Variants in RAD51B observed in about 807,000 individuals in gnomAD.
RAD51B encodes the protein DNA repair protein RAD51 homolog 2.
A neutral mutation model predicts 42.2 loss-of-function variants in RAD51B; 38 were observed. That is an observed-to-expected ratio of 0.90 (90% CI 0.70 to 1.18). The LOEUF is 1.18. Ranked by LOEUF, RAD51B falls within the 50% of genes most tolerant of loss-of-function variation. The pLI, the probability that RAD51B is intolerant of heterozygous loss-of-function variation, is 0.00. For missense variants in RAD51B, 373 were observed against 400.7 expected, an observed-to-expected ratio of 0.93 and a Z score of 0.59; for synonymous variants, 154 against 145.2, an observed-to-expected ratio of 1.06 and a Z score of -0.43.
rs1275700543 is a variant in RAD51B at position 68,534,386 on chromosome 14, C to T, written c.1037-60099C>T. The stretch of plus-strand genomic sequence containing the variant: ...TAATAGGTTATTGATGACAGCAATT[C>T]AGTGGGAGAAGGGTTATATAATGTG... On this transcript the variant is annotated intron_variant, in intron 10 of 10. Transcript: ENST00000487270. Among the ~76,000 whole-genome samples, 7 of 152,052 alleles carry T rather than the reference C, an allele frequency of 4.6e-5. No individual in the cohort carries two copies. In the East Asian group the frequency reaches 1.3e-3, roughly 29 times the overall value.
chr14:68,603,773 C>T (rs1891319730), intron 10 of RAD51B, among the ~76,000 whole-genome samples: 1 of 152,244 alleles, frequency 6.6e-6, no homozygotes. Flanking sequence ...GGAGCCTGCA[C>T]ACGCCGCGTC....
intron 7 of RAD51B, among the ~76,000 whole-genome samples, chr14:68,258,864 C>T (rs1203059378): frequency 6.6e-6 from 1 of 152,172 alleles, no homozygotes; most frequent in Non-Finnish European, 1.5e-5. Context: ...AAGAAAGTTA[C>T]TGCAAAGAAA....
In RAD51B at chr14:67,960,850, G is replaced by A. The variant is rs575537018; in HGVS notation, c.756+73646G>A. On this transcript the variant is annotated intron_variant, in intron 7 of 10. Coordinates refer to ENST00000471583, the MANE Select transcript of RAD51B (RefSeq NM_133510.4). ...TGCCTGGCTAATTTTTTAATTTTTT[G>A]TAGAGACAGGGTCTGACTTTGTGGC... 8.9e-4 allele frequency among the ~76,000 whole-genome samples: 136 copies of A among 151,980 alleles called. 1 individual carries two copies. The highest frequency in any genetic ancestry group is 3.2e-3 in the African/African-American group (134 of 41,432).
intron 4 of RAD51B, among the ~76,000 whole-genome samples, chr14:67,842,256 C>T (rs551774136): frequency 6.6e-6 from 1 of 152,180 alleles, no homozygotes; most frequent in Admixed American, 6.5e-5. Flanking sequence ...TTCAACTTTA[C>T]TAAAGTCATT....
chr14:67,911,316 G>A (rs2043972131), intron 7 of RAD51B, among the ~76,000 whole-genome samples: 1 of 152,172 alleles, frequency 6.6e-6, no homozygotes, highest in Non-Finnish European at 1.5e-5. Context: ...AGGAATTTTA[G>A]ACTGTACCCT....
At chr14:67,981,558 A>G (rs758296166) in intron 7 of RAD51B, among the ~76,000 whole-genome samples, 3 of 152,374 alleles carry the variant, frequency 2.0e-5, no homozygotes, top group South Asian at 2.1e-4. Flanking sequence ...AGTCACCCGC[A>G]TGTCCATCAA....
At chr14:68,503,215 A>T (rs1885043166) in intron 10 of RAD51B, among the ~76,000 whole-genome samples, 1 of 152,206 alleles carries the variant, frequency 6.6e-6, no homozygotes, top group Non-Finnish European at 1.5e-5. Context: ...GGAGGGCGTA[A>T]TGATGGGGAG....
intron 10 of RAD51B, chr14:68,562,059 G>C (rs1889179999): frequency 3.0e-6 from 3 of 985,392 alleles, no homozygotes; most frequent in Non-Finnish European, 3.6e-6. Flanking sequence ...TAGACCACAT[G>C]AATAATTTGG....
intron 8 of RAD51B, among the ~76,000 whole-genome samples, chr14:68,388,913 C>T (rs1034460327): frequency 3.9e-5 from 6 of 152,106 alleles, no homozygotes; most frequent in Non-Finnish European, 7.4e-5. Context: ...AGATGGCAAA[C>T]GATGTTGTTA....
At chr14:68,247,904 T>C (rs2080533651) in intron 7 of RAD51B, among the ~76,000 whole-genome samples, 1 of 152,236 alleles carries the variant, frequency 6.6e-6, no homozygotes, top group Non-Finnish European at 1.5e-5. Flanking sequence ...GTCTTCAGGG[T>C]GCTGCAAAGC....
chr14:68,559,857 G>A (rs1246742892), intron 10 of RAD51B, among the ~76,000 whole-genome samples: 3 of 152,224 alleles, frequency 2.0e-5, no homozygotes, highest in South Asian at 4.1e-4. Flanking sequence ...TGTGGAATGG[G>A]CAGAAGGCAG....
chr14:68,362,330 T>A (rs899565424), intron 8 of RAD51B, among the ~76,000 whole-genome samples: 4 of 152,348 alleles, frequency 2.6e-5, no homozygotes, highest in Middle Eastern at 3.4e-3. Flanking sequence ...CTAATATTTA[T>A]TACTATGCAT....
chr14:68,540,869 T>C, intron 10 of RAD51B: 1 of 985,392 alleles, frequency 1.0e-6, no homozygotes, highest in South Asian at 4.7e-5. Flanking sequence ...AAAGATTCCA[T>C]GTAGGGAAGA....
intron 7 of RAD51B, among the ~76,000 whole-genome samples, chr14:68,064,024 A>G (rs2076610615): frequency 6.7e-6 from 1 of 150,158 alleles, no homozygotes; most frequent in South Asian, 2.1e-4. Flanking sequence ...TTCTTTTCTC[A>G]TTTGTGTATC....
At chr14:68,115,047 A>G (rs995969686) in intron 7 of RAD51B, among the ~76,000 whole-genome samples, 4 of 144,032 alleles carry the variant, frequency 2.8e-5, no homozygotes, top group African/African-American at 1.2e-4. Flanking sequence ...ATTACTGGGT[A>G]TATACCCAAA....
intron 8 of RAD51B, among the ~76,000 whole-genome samples, chr14:68,328,864 C>T (rs1259328251): frequency 6.6e-6 from 1 of 152,196 alleles, no homozygotes; most frequent in Non-Finnish European, 1.5e-5. Flanking sequence ...TAACAACACA[C>T]TGCAAGGAAG....
intron 11 of RAD51B, among the ~76,000 whole-genome samples, chr14:68,674,789 G>A (rs1595058970): frequency 6.6e-6 from 1 of 152,260 alleles, no homozygotes; most frequent in African/African-American, 2.4e-5. Context: ...TATCACCAAT[G>A]AGCGTCTTAA....
chr14:68,380,581 GC>G (rs2083460130), intron 8 of RAD51B, among the ~76,000 whole-genome samples: 1 of 152,076 alleles, frequency 6.6e-6, no homozygotes, highest in South Asian at 2.1e-4. Flanking sequence ...ATGAAGGATC[GC>G]TGGCTTTTAC....
chr14:68,247,148 G>T (rs973886333), intron 7 of RAD51B, among the ~76,000 whole-genome samples: 3 of 152,014 alleles, frequency 2.0e-5, no homozygotes, highest in African/African-American at 2.4e-5. Context: ...CCCTGTGCTT[G>T]GATAGGCTGG....
Sources: gnomAD v4.1 joint callset for allele counts (sites outside exome capture counted in the v4.1 genomes callset) on GRCh38, gnomAD v4.1.1 for gene constraint, MANE v1.5 for transcripts, NCBI Gene and HGNC (gene_info 2026-07-23, HGNC 2026-07-21) for gene names.